ZNF550: variants seen among roughly 807,000 people sequenced by gnomAD.
ZNF550 encodes zinc finger protein 550.
Under a neutral mutation model 40.2 loss-of-function variants are expected in ZNF550, and 42 were observed. The observed-to-expected ratio is 1.05, with a 90% CI of 0.82 to 1.35. The LOEUF (loss-of-function observed/expected upper bound fraction) is 1.35, where lower values mean the gene tolerates loss of function less well. ZNF550 is among the 40% of genes most tolerant of loss of function. The pLI is 0.00. For missense variants in ZNF550, 549 were observed against 525.2 expected (o/e 1.05, Z -0.44); for synonymous variants, 223 against 198.6 (o/e 1.12, Z -1.03).
At chr19:57,544,190 G>A (rs930663578) in intron 4 of ZNF550, 21 of 985,368 alleles carry the variant, frequency 2.1e-5, no homozygotes, top group Non-Finnish European at 2.5e-5. Flanking sequence ...GACCACAACA[G>A]TGAGTGGCCA....
intron 3 of ZNF550, among the ~76,000 whole-genome samples, chr19:57,549,720 G>A (rs1195679497): frequency 1.3e-5 from 2 of 152,162 alleles, no homozygotes; most frequent in African/African-American, 4.8e-5. Flanking sequence ...TAGAGTTGGA[G>A]CAAGAAAATG....
At chr19:57,546,782 A>C in exon 4 of ZNF550, 1 of 1,371,194 alleles carries the variant, frequency 7.3e-7, no homozygotes, top group South Asian at 1.9e-5. Flanking sequence ...CCTTACATTC[A>C]CTGTATTCAC....
At chr19:57,553,133 C>T (rs191469432) in intron 2 of ZNF550, 81 of 157,418 alleles carry the variant, frequency 5.1e-4, no homozygotes, top group Middle Eastern at 3.2e-3. Context: ...TCAAATTTGC[C>T]GACACCTTGA....
intron 2 of ZNF550, 159 bp from the exon 3 acceptor site, chr19:57,552,881 C>G: frequency 1.7e-6 from 1 of 594,064 alleles, no homozygotes; most frequent in Non-Finnish European, 3.0e-6. Flanking sequence ...GGGCATTGCT[C>G]TGAGTGAGCT....
chr19:57,543,579 A>T (rs1250452221), intron 4 of ZNF550: 6 of 980,950 alleles, frequency 6.1e-6, no homozygotes, highest in Non-Finnish European at 7.3e-6. Flanking sequence ...GCATAAGAGC[A>T]TAGTGCTTTT....
rs1462325030 is a variant in ZNF550 at position 57,544,523 on chromosome 19, G to C, written c.*519-1280C>G. On this transcript the variant is annotated intron_variant, in intron 4 of 4. Transcript: ENST00000457177. ...AGCCTTCCAGAGAGAGGATGCAGGA[G>C]GGTGGGGGTCCTCAAGAGTCAACTC... 4 of 985,284 alleles carry C rather than the reference G, an allele frequency of 4.1e-6. No homozygotes were observed. The East Asian group carries it at 4.5e-4, about 112-fold the overall frequency. 61.0% of individuals were successfully genotyped at this position (985,284 alleles called of 1,614,324 possible). A position where few individuals can be genotyped will look rare whatever the true frequency, so the allele number is the denominator to read the frequency against.
At chr19:57,546,409 AAACT>A in intron 4 of ZNF550, 1 of 892,870 alleles carries the variant, frequency 1.1e-6, no homozygotes, top group Non-Finnish European at 1.3e-6. Context: ...CCAAAAAATA[AAACT>A]GATCTTACAG....
exon 4 of ZNF550, chr19:57,546,463 C>T: frequency 6.1e-6 from 6 of 986,666 alleles, no homozygotes; most frequent in Non-Finnish European, 7.2e-6. Context: ...ATACCTGTAA[C>T]TGAAGGTTTT....
exon 1 of ZNF550, chr19:57,559,776 C>G: frequency 8.6e-7 from 1 of 1,167,974 alleles, no homozygotes; most frequent in South Asian, 1.9e-5. Flanking sequence ...GAGCCCCAGT[C>G]GCCCTACCAT....
At chr19:57,542,210 A>G (rs1019859507) in exon 5 of ZNF550, 5 of 151,378 alleles carry the variant, frequency 3.3e-5, no homozygotes, top group African/African-American at 1.2e-4. Flanking sequence ...AAGCTGGGTA[A>G]TTCTAAATAT....
At chr19:57,556,143 A>G in intron 2 of ZNF550, 88 bp downstream of exon 2, 1 of 1,564,250 alleles carries the variant, frequency 6.4e-7, no homozygotes, top group South Asian at 1.1e-5. Flanking sequence ...AGGTCTGTCA[A>G]GAGAAAGGTG....
exon 4 of ZNF550, chr19:57,546,718 C>T (rs775621584): frequency 8.1e-6 from 10 of 1,231,288 alleles, no homozygotes; most frequent in East Asian, 3.2e-5. Context: ...CCACATTTCC[C>T]CCTGGTATGA....
chr19:57,543,832 G>T, intron 4 of ZNF550: 1 of 488,694 alleles, frequency 2.0e-6, no homozygotes, highest in Non-Finnish European at 2.7e-6. Context: ...CAGCTACTCG[G>T]GAGGCTGAGG....
intron 4 of ZNF550, chr19:57,544,217 G>GTACC: frequency 2.0e-6 from 2 of 985,432 alleles, no homozygotes; most frequent in Non-Finnish European, 2.4e-6. Context: ...TAAATGACAG[G>GTACC]TGTCTCATGA....
chr19:57,559,556 G>A, intron 1 of ZNF550, 100 bp downstream of exon 1: 1 of 1,172,210 alleles, frequency 8.5e-7, no homozygotes, highest in Non-Finnish European at 1.1e-6. Context: ...AGCAACGGCA[G>A]GGACTGCACT....
intron 4 of ZNF550, among the ~76,000 whole-genome samples, chr19:57,544,773 CATT>C (rs890128408): frequency 6.6e-6 from 1 of 152,196 alleles, no homozygotes; most frequent in Non-Finnish European, 1.5e-5. Flanking sequence ...TTTAACCTAA[CATT>C]ATCTCATGTA....
intron 3 of ZNF550, among the ~76,000 whole-genome samples, chr19:57,552,190 T>C (rs2090078170): frequency 6.6e-6 from 1 of 152,242 alleles, no homozygotes; most frequent in South Asian, 2.1e-4. Flanking sequence ...TCTGATTTTG[T>C]TGAGTAGAGG....
chr19:57,552,796 T>G (rs2090085185), intron 2 of ZNF550, 74 bp from the exon 3 acceptor site: 2 of 1,123,742 alleles, frequency 1.8e-6, no homozygotes, highest in Non-Finnish European at 2.6e-6. Flanking sequence ...TGCCTAGGAC[T>G]TCATGACAGG....
At chr19:57,558,726 C>G (rs2090143958) in intron 1 of ZNF550, among the ~76,000 whole-genome samples, 1 of 152,062 alleles carries the variant, frequency 6.6e-6, no homozygotes, top group Non-Finnish European at 1.5e-5. Context: ...AGAAATAAAG[C>G]AAAGGAGGGA....
Sources: allele counts gnomAD v4.1 joint callset (sites outside exome capture counted in the v4.1 genomes callset), GRCh38; gene constraint gnomAD v4.1.1; transcripts MANE v1.5; gene names NCBI Gene and HGNC (gene_info 2026-07-23, HGNC 2026-07-21).